Variants in ABLIM2 observed in about 807,000 individuals in gnomAD.
The protein encoded by ABLIM2 is actin binding LIM protein family member 2.
A neutral mutation model predicts 97.7 loss-of-function variants in ABLIM2; 53 were observed. That is an observed-to-expected ratio of 0.54 (90% CI 0.44 to 0.68). The LOEUF (loss-of-function observed/expected upper bound fraction) is 0.68, where lower values mean the gene tolerates loss of function less well. Among genes scored for constraint, ABLIM2 ranks in the 30% least tolerant of loss-of-function variants. The pLI is 0.00. For synonymous variants in ABLIM2, 361 were observed against 345.8 expected, an observed-to-expected ratio of 1.04 and a Z score of -0.49; for missense variants, 835 against 867.2, an observed-to-expected ratio of 0.96 and a Z score of 0.47.
intron 1 of ABLIM2, among the ~76,000 whole-genome samples, chr4:8,143,705 T>C (rs1851366019): frequency 1.3e-5 from 2 of 152,152 alleles, no homozygotes; most frequent in South Asian, 4.1e-4. Context: ...GCATGCCTTC[T>C]TTGTTGGCTG....
intron 14 of ABLIM2, chr4:8,010,825 C>A (rs925700384): frequency 3.2e-5 from 5 of 154,670 alleles, no homozygotes; most frequent in African/African-American, 1.2e-4. Flanking sequence ...AGCCGTCACC[C>A]GGCAGCGGAG....
chr4:8,114,572 C>T (rs922599668), intron 1 of ABLIM2, among the ~76,000 whole-genome samples: 1 of 152,172 alleles, frequency 6.6e-6, no homozygotes, highest in Admixed American at 6.5e-5. Flanking sequence ...CACTTCCTTC[C>T]TAACCTACTT....
chr4:7,989,206 G>A (rs1746787867), intron 17 of ABLIM2, among the ~76,000 whole-genome samples: 1 of 150,250 alleles, frequency 6.7e-6, no homozygotes, highest in South Asian at 2.1e-4. Context: ...TTGTGCTCAA[G>A]TAGCTGGGAT....
chr4:8,060,730 C>G (rs997974849), intron 7 of ABLIM2, among the ~76,000 whole-genome samples: 6 of 152,210 alleles, frequency 3.9e-5, no homozygotes, highest in East Asian at 1.9e-4. Context: ...TGGCTCGGCC[C>G]TTTTCCTTTC....
rs182894264 is a variant in ABLIM2 at position 8,014,906 on chromosome 4, T to A, written c.1423+4712A>T. Among the ~76,000 whole-genome samples the A allele has an allele frequency of 1.9e-3, 287 of 149,084 alleles. 1 individual carries two copies. Among genetic ancestry groups the A allele is most frequent in the African/African-American group, 6.7e-3 (268 of 40,212 alleles). On this transcript the variant is annotated intron_variant, in intron 14 of 20. Coordinates refer to ENST00000447017, the MANE Select transcript of ABLIM2 (RefSeq NM_001130083.2). ...CGGCCTCCCTCTCTTCCACTTTTCT[T>A]CCTTCCTTCCTTTCTTTCTTTTTTT...
In ABLIM2 at chr4:8,068,655, C is replaced by G. The variant is rs1184896829; in HGVS notation, c.676-7601G>C. Among the ~76,000 whole-genome samples, 9 of 152,214 alleles carry G rather than the reference C, an allele frequency of 5.9e-5. No homozygotes were observed. The highest frequency in any genetic ancestry group is 1.9e-4 in the African/African-American group (8 of 41,450). On this transcript the variant is annotated intron_variant, in intron 6 of 20. Coordinates refer to ENST00000447017, the MANE Select transcript of ABLIM2 (RefSeq NM_001130083.2). This position sits in a 1 kb window ranked among gnomAD's most constrained non-coding sequence, Gnocchi z 4.5. The stretch of plus-strand genomic sequence containing the variant: ...CGGAATCCGGGTGCAAAGGCCTCCT[C>G]TGCCCACTGGAGAGCTGCCACACTT...
At chr4:7,972,980 C>T (rs907103261) in intron 20 of ABLIM2, among the ~76,000 whole-genome samples, 10 of 152,016 alleles carry the variant, frequency 6.6e-5, no homozygotes, top group Admixed American at 6.6e-4. Flanking sequence ...TGGGCTCTCA[C>T]TGCTTGAGCA....
chr4:8,074,282 C>G (rs1443610889), intron 6 of ABLIM2, among the ~76,000 whole-genome samples: 2 of 151,904 alleles, frequency 1.3e-5, no homozygotes, highest in Non-Finnish European at 2.9e-5. Flanking sequence ...AGCAAGATCC[C>G]TGTCTCTAAG....
intron 6 of ABLIM2, among the ~76,000 whole-genome samples, chr4:8,074,055 C>A (rs34794134): frequency 1.6e-5 from 2 of 126,196 alleles, no homozygotes; most frequent in Admixed American, 9.9e-5. Flanking sequence ...CCACTGCACT[C>A]TAGCCTGAAT....
chr4:8,047,900 A>T (rs1180059440), intron 8 of ABLIM2, among the ~76,000 whole-genome samples: 1 of 152,242 alleles, frequency 6.6e-6, no homozygotes, highest in African/African-American at 2.4e-5. Flanking sequence ...TGCAAAGCAG[A>T]TGAACATTGG....
intron 16 of ABLIM2, among the ~76,000 whole-genome samples, chr4:7,997,346 A>T (rs1753991267): frequency 1.3e-5 from 2 of 152,186 alleles, no homozygotes. Flanking sequence ...CTGGGATTAC[A>T]GGCATGAGCC....
At chr4:8,117,464 C>A (rs1348768000) in intron 1 of ABLIM2, among the ~76,000 whole-genome samples, 1 of 151,598 alleles carries the variant, frequency 6.6e-6, no homozygotes, top group Non-Finnish European at 1.5e-5. Flanking sequence ...CCACCTACCA[C>A]AGGCTCCACG....
rs527389651 is a variant in ABLIM2, at chr4:8,141,892, C to T, written c.10+16788G>A. ...CTCCGCCTGCACTTTGAGTAGAGAG[C>T]GAATACATGCACCCTGGATCTGAGA... On this transcript the variant is annotated intron_variant, in intron 1 of 20. Transcript: ENST00000447017. Among the ~76,000 whole-genome samples, 115 of 152,340 alleles carry T rather than the reference C, an allele frequency of 7.5e-4. 1 individual carries two copies. Among genetic ancestry groups the T allele is most frequent in the Middle Eastern group, 3.4e-3 (1 of 294 alleles).
Position 8,155,575 on chromosome 4 carries a change from G to A in ABLIM2, c.10+3105C>T, listed in dbSNP as rs1715037798. Among the ~76,000 whole-genome samples the A allele has an allele frequency of 6.6e-6, 1 of 152,158 alleles. No individual in the cohort carries two copies. Among genetic ancestry groups the A allele is most frequent in the East Asian group, 1.9e-4 (1 of 5,198 alleles). Reference sequence around the variant, plus strand: ...GCCCTTGGCCCCGCACCCCTGTTATGGACTGAATTGTCTAAATTCATATGC... The same window carrying A: ...GCCCTTGGCCCCGCACCCCTGTTATAGACTGAATTGTCTAAATTCATATGC... On this transcript the variant is annotated intron_variant, in intron 1 of 20. Transcript: ENST00000447017. This position sits in a 1 kb window ranked among gnomAD's most constrained non-coding sequence, Gnocchi z 4.2.
rs540676166 is a variant in ABLIM2, at chr4:8,104,426, G to C, written c.154+2068C>G. ...TGGTATTGGGGTACCTGGGATGCCA[G>C]GGTGCTATGGGGAGAATTCACTGAG... On this transcript the variant is annotated intron_variant, in intron 2 of 20. Coordinates refer to ENST00000447017, the MANE Select transcript of ABLIM2 (RefSeq NM_001130083.2). Among the ~76,000 whole-genome samples, 94 of 152,330 alleles carry C rather than the reference G, an allele frequency of 6.2e-4. 1 individual carries two copies. Among genetic ancestry groups the C allele is most frequent in the African/African-American group, 2.2e-3 (90 of 41,580 alleles).
At chr4:8,090,846 C>T (rs190641957) in intron 3 of ABLIM2, among the ~76,000 whole-genome samples, 2 of 152,134 alleles carry the variant, frequency 1.3e-5, no homozygotes, top group East Asian at 3.9e-4. Context: ...AGTGTCCATC[C>T]CATGGATAAA....
chr4:7,976,995 G>T (rs1734003685), intron 20 of ABLIM2, among the ~76,000 whole-genome samples: 1 of 151,942 alleles, frequency 6.6e-6, no homozygotes, highest in Non-Finnish European at 1.5e-5. Context: ...ATATGGTTTG[G>T]CTGTGTCCTC....
intron 11 of ABLIM2, among the ~76,000 whole-genome samples, chr4:8,029,453 G>T (rs1779440648): frequency 6.6e-6 from 1 of 152,148 alleles, no homozygotes; most frequent in South Asian, 2.1e-4. Context: ...TCGCCCCAAG[G>T]CATGAGGAGG....
chr4:8,061,373 G>A lies in ABLIM2; in HGVS notation c.676-319C>T, dbSNP rs1400524435. The stretch of plus-strand genomic sequence containing the variant: ...CTTTACCAGGCGGCATCCAGAGAGA[G>A]GTCTTGGTATTTCCAGAGGGAGCGG... On this transcript the variant is annotated intron_variant, in intron 6 of 20. Coordinates refer to ENST00000447017, the MANE Select transcript of ABLIM2 (RefSeq NM_001130083.2). This position sits in a 1 kb window ranked among gnomAD's most constrained non-coding sequence, Gnocchi z 4.5. Among the ~76,000 whole-genome samples, 3 of 152,180 alleles carry A rather than the reference G, an allele frequency of 2.0e-5. No individual in the cohort carries two copies. In the East Asian group the frequency reaches 5.8e-4, roughly 29 times the overall value.
Sources: allele counts gnomAD v4.1 joint callset (sites outside exome capture counted in the v4.1 genomes callset), GRCh38; gene constraint gnomAD v4.1.1; non-coding constraint Gnocchi (gnomAD v3.1); transcripts MANE v1.5; gene names NCBI Gene and HGNC (gene_info 2026-07-23, HGNC 2026-07-21).